GAREM1: variants seen among roughly 807,000 people sequenced by gnomAD.
The protein encoded by GAREM1 is GRB2 associated regulator of MAPK1 subtype 1.
A neutral mutation model predicts 71.3 loss-of-function variants in GAREM1; 26 were observed. The ratio of observed to expected loss-of-function variants is 0.36; its 90% CI spans 0.27 to 0.51. GAREM1 has a LOEUF of 0.51. Ranked by LOEUF, GAREM1 falls within the 20% of genes least tolerant of loss-of-function variation. The pLI, the probability that GAREM1 is intolerant of heterozygous loss-of-function variation, is 0.95. For synonymous variants in GAREM1, 440 were observed against 433.2 expected (o/e 1.02, Z -0.20); for missense variants, 1,026 against 1,103.1 (o/e 0.93, Z 0.99).
At position 32,268,069 on chromosome 18, in the gene GAREM1, G is replaced by A; in HGVS notation, c.2433C>T (p.Leu811=). 8 of 1,614,098 alleles carry A rather than the reference G, an allele frequency of 5.0e-6. No individual in the cohort carries two copies. The highest frequency in any genetic ancestry group is 6.8e-6 in the Non-Finnish European group (8 of 1,179,978). The change falls in exon 6 of 6, where the codon CTC becomes CTT. Residue 811 remains leucine, a synonymous_variant. Coordinates refer to ENST00000269209, the MANE Select transcript of GAREM1 (RefSeq NM_001242409.2). ...PWQPPADLSG[L]SIEEVSKSLR... ...GTGACTTGGACACTTCCTCTATAGA[G>A]AGTCCTGATAGGTCAGCAGGTGGCT... is the stretch of plus-strand genomic sequence containing the variant.
chr18:32,311,379 G>A (rs2047321023), intron 2 of GAREM1, among the ~76,000 whole-genome samples: 1 of 152,194 alleles, frequency 6.6e-6, no homozygotes, highest in Non-Finnish European at 1.5e-5. Context: ...ACTAGGTGGA[G>A]ACATTATTCT....
At chr18:32,294,683 G>A (rs2047122952) in intron 3 of GAREM1, among the ~76,000 whole-genome samples, 1 of 152,144 alleles carries the variant, frequency 6.6e-6, no homozygotes, top group Non-Finnish European at 1.5e-5. Flanking sequence ...AGTCATAGTT[G>A]TTGAATATGT....
intron 1 of GAREM1, among the ~76,000 whole-genome samples, chr18:32,445,438 C>A (rs2048777023): frequency 6.6e-6 from 1 of 151,998 alleles, no homozygotes; most frequent in Non-Finnish European, 1.5e-5. Flanking sequence ...GAAATGCTTA[C>A]CAGCAGTCTG....
At chr18:32,448,078 A>G (rs1055000652) in intron 1 of GAREM1, among the ~76,000 whole-genome samples, 1 of 152,176 alleles carries the variant, frequency 6.6e-6, no homozygotes, top group African/African-American at 2.4e-5. Context: ...GTGTATTTCT[A>G]AAGGGGTTTA....
chr18:32,433,153 C>CA lies in GAREM1; in HGVS notation c.121+37154dup, dbSNP rs1382585135. On this transcript the variant is annotated intron_variant, in intron 1 of 5. Coordinates refer to ENST00000269209, the MANE Select transcript of GAREM1 (RefSeq NM_001242409.2). The stretch of plus-strand genomic sequence containing the variant: ...TAATTTAATTAACCACATTAACAGG[C>CA]AAAAAAAAAACAACCCCACACAGGA... Among the ~76,000 whole-genome samples the CA allele has an allele frequency of 9.5e-3, 1,329 of 139,506 alleles. 7 individuals carry two copies. The highest frequency in any genetic ancestry group is 0.02 in the East Asian group (95 of 4,666). 91.5% of individuals were successfully genotyped at this position (139,506 alleles called of 152,430 possible).
intron 2 of GAREM1, among the ~76,000 whole-genome samples, chr18:32,360,998 C>T (rs2144609536): frequency 6.6e-6 from 1 of 152,306 alleles, no homozygotes; most frequent in African/African-American, 2.4e-5. Flanking sequence ...CTACTTAATA[C>T]TCTTTTTAGA....
chr18:32,272,907 C>T (rs781104305), intron 4 of GAREM1, among the ~76,000 whole-genome samples: 6 of 152,220 alleles, frequency 3.9e-5, no homozygotes, highest in Non-Finnish European at 8.8e-5. Flanking sequence ...GGCTGAGAAC[C>T]AACCAGGATG....
chr18:32,293,066 G>A (rs971742376), intron 3 of GAREM1, among the ~76,000 whole-genome samples: 2 of 152,054 alleles, frequency 1.3e-5, no homozygotes, highest in African/African-American at 4.8e-5. Context: ...GCTCCTTGGG[G>A]TTTGGATTGA....
chr18:32,435,032 C>T (rs1251472960), intron 1 of GAREM1, among the ~76,000 whole-genome samples: 2 of 152,044 alleles, frequency 1.3e-5, no homozygotes, highest in African/African-American at 2.4e-5. Flanking sequence ...TGCATGTTTT[C>T]CCTCTCAGAT....
chr18:32,310,497 G>T (rs2047309176), intron 2 of GAREM1, among the ~76,000 whole-genome samples, 174 bp from the exon 3 acceptor site: 1 of 152,098 alleles, frequency 6.6e-6, no homozygotes, highest in Non-Finnish European at 1.5e-5. Flanking sequence ...AAGATAGATA[G>T]ATTTTAAAAT....
intron 4 of GAREM1, among the ~76,000 whole-genome samples, chr18:32,281,883 C>T (rs1378608137): frequency 6.6e-6 from 1 of 152,164 alleles, no homozygotes; most frequent in Non-Finnish European, 1.5e-5. Context: ...TGAATATGCC[C>T]TGCCCCACCT....
chr18:32,403,532 C>T (rs1409960019), intron 1 of GAREM1, among the ~76,000 whole-genome samples: 3 of 152,170 alleles, frequency 2.0e-5, no homozygotes, highest in African/African-American at 7.2e-5. Flanking sequence ...GTTCCTCACC[C>T]TAACTCAAGT....
chr18:32,265,590 T>C lies in GAREM1; in HGVS notation c.*2281A>G, dbSNP rs1425340589. On this transcript the variant is annotated 3_prime_UTR_variant, in exon 6 of 6. Transcript: ENST00000269209. ...TAAGTGAATCAAAGGCCACAGTCCC[T>C]GCCCTCAAGGAGTCTCTGCGTTGCC... is the stretch of plus-strand genomic sequence containing the variant. The C allele has an allele frequency of 6.6e-6, 1 of 152,212 alleles. No homozygotes were observed. Among genetic ancestry groups the C allele is most frequent in the Admixed American group, 6.5e-5 (1 of 15,284 alleles). 9.4% of individuals were successfully genotyped at this position (152,212 alleles called of 1,614,324 possible).
intron 2 of GAREM1, among the ~76,000 whole-genome samples, chr18:32,349,976 G>A (rs1207543391): frequency 6.6e-6 from 1 of 152,198 alleles, no homozygotes; most frequent in Non-Finnish European, 1.5e-5. Flanking sequence ...AACTCTGGCA[G>A]GGCTCCAAGT....
At chr18:32,270,582 A>C (rs1163851647) in intron 4 of GAREM1, among the ~76,000 whole-genome samples, 199 bp from the exon 5 acceptor site, 1 of 152,182 alleles carries the variant, frequency 6.6e-6, no homozygotes, top group Non-Finnish European at 1.5e-5. Flanking sequence ...CCTGTCACAC[A>C]CTTGCTGGGA....
chr18:32,327,219 T>C (rs981662935), intron 2 of GAREM1, among the ~76,000 whole-genome samples: 1 of 152,188 alleles, frequency 6.6e-6, no homozygotes, highest in East Asian at 1.9e-4. Flanking sequence ...GTGCCAGAGA[T>C]ATTGGAAGGC....
chr18:32,382,144 G>A (rs984328514), intron 2 of GAREM1, among the ~76,000 whole-genome samples: 1 of 152,118 alleles, frequency 6.6e-6, no homozygotes, highest in Non-Finnish European at 1.5e-5. Flanking sequence ...TATTTATTGA[G>A]TCCTTAAACT....
chr18:32,291,317 C>CA (rs548179742), intron 3 of GAREM1, among the ~76,000 whole-genome samples: 3,646 of 76,888 alleles, frequency 0.047, 65 homozygotes, highest in Middle Eastern at 0.093. Flanking sequence ...TTTTTGTTAC[C>CA]AAAAAAAAAA....
At chr18:32,463,816 A>G (rs1216963977) in intron 1 of GAREM1, among the ~76,000 whole-genome samples, 3 of 151,428 alleles carry the variant, frequency 2.0e-5, no homozygotes, top group Admixed American at 6.6e-5. Context: ...TGATCCGCCC[A>G]CCTCAGCCTC....
Sources: allele counts gnomAD v4.1 joint callset (sites outside exome capture counted in the v4.1 genomes callset), GRCh38; gene constraint gnomAD v4.1.1; transcripts MANE v1.5; gene names NCBI Gene and HGNC (gene_info 2026-07-23, HGNC 2026-07-21).